The following KIF1B variants were observed in gnomAD, a reference collection of about 807,000 sequenced individuals.
KIF1B encodes kinesin family member 1B.
Under a neutral mutation model 241.9 loss-of-function variants are expected in KIF1B, and 76 were observed. The ratio of observed to expected loss-of-function variants is 0.31; its 90% CI spans 0.26 to 0.38. KIF1B has a LOEUF of 0.38. KIF1B is among the 10% of genes least tolerant of loss of function. The pLI is 1.00. For missense variants in KIF1B, 1,622 were observed against 2,271.4 expected, an observed-to-expected ratio of 0.71 and a Z score of 5.81; for synonymous variants, 750 against 796.7, an observed-to-expected ratio of 0.94 and a Z score of 0.99.
chr1:10,339,986 C>G, intron 32 of KIF1B, 127 bp downstream of exon 32: 1 of 816,190 alleles, frequency 1.2e-6, no homozygotes, highest in Non-Finnish European at 2.1e-6. Flanking sequence ...CAATAGAGGG[C>G]GTGGCTAGAG....
In KIF1B at chr1:10,336,734, T is replaced by A; in HGVS notation, c.3121T>A (p.Phe1041Ile). The A allele has an allele frequency of 6.2e-7, 1 of 1,611,458 alleles. No homozygotes were observed. The highest frequency in any genetic ancestry group is 2.2e-5 in the East Asian group (1 of 44,864). ...TAAAATATCTTTTGATAATGAATAC[T>A]TTAATCAGGTGAGAAACCGTCAGGA... ...TAKISFDNEY[F>I]NQSDFSSVAM... Residue 1041 changes from phenylalanine to isoleucine, a missense_variant, in exon 29 of 49, where the codon TTT becomes ATT. Phe to Ile is a conservative substitution (Grantham distance 21). Transcript: ENST00000676179.
intron 38 of KIF1B, among the ~76,000 whole-genome samples, chr1:10,353,399 C>T (rs1412725167): frequency 6.6e-6 from 1 of 152,210 alleles, no homozygotes; most frequent in Non-Finnish European, 1.5e-5. Flanking sequence ...CATAGCCATT[C>T]TGCTTTCCTT....
Position 10,378,164 on chromosome 1 carries a change from C to G in KIF1B, c.*1577C>G. On this transcript the variant is annotated 3_prime_UTR_variant, in exon 49 of 49. Coordinates refer to ENST00000676179, the MANE Select transcript of KIF1B (RefSeq NM_001365951.3). ...TTCTGGATCCCAGGATTAAAACTAA[C>G]CGTGACCACTACTCCAAACAAAACA... The G allele has an allele frequency of 1.7e-6, 1 of 603,768 alleles. No homozygotes were observed. Among genetic ancestry groups the G allele is most frequent in the Non-Finnish European group, 3.0e-6 (1 of 338,882 alleles). 37.4% of individuals were successfully genotyped at this position (603,768 alleles called of 1,614,324 possible).
Position 10,381,482 on chromosome 1 carries a change from C to A in KIF1B, c.*4895C>A, listed in dbSNP as rs1639020201. 1.5e-5 allele frequency: 3 copies of A among 205,872 alleles called. No individual in the cohort carries two copies. The highest frequency in any genetic ancestry group is 1.9e-4 in the South Asian group (1 of 5,288). 12.8% of individuals were successfully genotyped at this position (205,872 alleles called of 1,614,324 possible). A position where few individuals can be genotyped will look rare whatever the true frequency, so the allele number is the denominator to read the frequency against. On this transcript the variant is annotated 3_prime_UTR_variant, in exon 49 of 49. Coordinates refer to ENST00000676179, the MANE Select transcript of KIF1B (RefSeq NM_001365951.3). ...TCTTGTATTTGTACTAATTCTGATT[C>A]TTTTGCTGTATAGCCTTAGATGTGC...
intron 44 of KIF1B, among the ~76,000 whole-genome samples, chr1:10,369,211 A>T (rs998294213): frequency 1.3e-5 from 2 of 152,130 alleles, no homozygotes; most frequent in Non-Finnish European, 2.9e-5. Flanking sequence ...TTACTACCTG[A>T]TGCTTTTTAA....
At chr1:10,264,875 C>A (rs1438363883) in intron 5 of KIF1B, among the ~76,000 whole-genome samples, 2 of 152,190 alleles carry the variant, frequency 1.3e-5, no homozygotes, top group Non-Finnish European at 2.9e-5. Flanking sequence ...GTTGGCCAGG[C>A]TGGTCTCGAA....
intron 22 of KIF1B, chr1:10,305,907 C>T (rs558380061): frequency 1.9e-6 from 2 of 1,053,194 alleles, no homozygotes; most frequent in African/African-American, 1.7e-5. Flanking sequence ...TGCCTGACTT[C>T]ATGTTTTGGA....
At position 10,295,257 on chromosome 1, in the gene KIF1B, A is replaced by G. The variant is rs982279258; in HGVS notation, c.1670+92A>G. On this transcript the variant is annotated intron_variant, in intron 18 of 48. Coordinates refer to ENST00000676179, the MANE Select transcript of KIF1B (RefSeq NM_001365951.3). ...GGGAAGGGGTTGAAAAAATTAACGT[A>G]ATGATTTGCTGTATTTTTTGTCTGA... 4.7e-5 allele frequency: 39 copies of G among 821,636 alleles called. No individual in the cohort carries two copies. The African/African-American group carries it at 6.5e-4, about 14-fold the overall frequency. 50.9% of individuals were successfully genotyped at this position (821,636 alleles called of 1,614,324 possible).
intron 22 of KIF1B, chr1:10,305,290 G>GT (rs1650773637): frequency 2.9e-6 from 3 of 1,044,204 alleles, no homozygotes; most frequent in East Asian, 1.1e-4. Flanking sequence ...TCATATAATG[G>GT]TTTTTTCTTT....
At chr1:10,287,888 T>G (rs935815520) in intron 15 of KIF1B, among the ~76,000 whole-genome samples, 1 of 152,226 alleles carries the variant, frequency 6.6e-6, no homozygotes, top group Non-Finnish European at 1.5e-5. Flanking sequence ...TATGTCAGTT[T>G]GTATTCCATA....
chr1:10,223,551 T>TTG (rs1557646371), intron 1 of KIF1B, among the ~76,000 whole-genome samples: 1 of 149,008 alleles, frequency 6.7e-6, no homozygotes. Flanking sequence ...GTTTTGTTTT[T>TTG]TTTTTTTTTT....
rs532867663 is a variant in KIF1B at position 10,309,480 on chromosome 1, G to A, written c.2116-10563G>A. Among the ~76,000 whole-genome samples, 11 of 147,390 alleles carry A rather than the reference G, an allele frequency of 7.5e-5. 2 individuals carry two copies. Among genetic ancestry groups the A allele is most frequent in the African/African-American group, 2.7e-4 (10 of 36,916 alleles). ...AAGTTAAGTGTTGTCAACAACTGGG[G>A]TGTCATCTTGGGTGTGGATATTTTC... On this transcript the variant is annotated intron_variant, in intron 22 of 48. Transcript: ENST00000676179.
intron 2 of KIF1B, among the ~76,000 whole-genome samples, chr1:10,251,311 A>G (rs560204693): frequency 7.4e-5 from 11 of 149,208 alleles, no homozygotes; most frequent in Non-Finnish European, 1.5e-4. Context: ...AAGTTAACTC[A>G]TTGGTGTAGT....
chr1:10,274,415 T>G (rs1326102545), intron 10 of KIF1B, among the ~76,000 whole-genome samples: 3 of 152,204 alleles, frequency 2.0e-5, no homozygotes, highest in Non-Finnish European at 1.5e-5. Context: ...ATAAGAAGGA[T>G]CATGAAGAAA....
intron 16 of KIF1B, among the ~76,000 whole-genome samples, chr1:10,291,567 C>G (rs1284442075): frequency 6.6e-6 from 1 of 151,926 alleles, no homozygotes; most frequent in East Asian, 1.9e-4. Context: ...AACAAATTAG[C>G]CGGGCATGGT....
chr1:10,279,042 A>G (rs1221271929), intron 13 of KIF1B, 55 bp from the exon 14 acceptor site: 6 of 1,335,592 alleles, frequency 4.5e-6, no homozygotes, highest in Non-Finnish European at 6.3e-6. Flanking sequence ...TCTCTGTGTC[A>G]CTGCTGAACC....
intron 25 of KIF1B, 117 bp downstream of exon 25, chr1:10,324,179 T>C (rs1010089188): frequency 2.0e-6 from 2 of 1,022,338 alleles, no homozygotes; most frequent in Non-Finnish European, 3.1e-6. Context: ...TTCCCTGTAC[T>C]TTCTAAATGC....
At position 10,375,363 on chromosome 1, in the gene KIF1B, G is replaced by A. The variant is rs1306402753; in HGVS notation, c.5398G>A (p.Gly1800Ser). 1 of 1,611,850 alleles carries A rather than the reference G, an allele frequency of 6.2e-7. No individual in the cohort carries two copies. The stretch of plus-strand genomic sequence containing the variant: ...GTATGCCTTCAACCCACTTCTAGCT[G>A]GCACAATACGGTAAGAAGTTTTGTT... Reference protein sequence around the residue: ...WLYAFNPLLAGTIRSKLSRRC... With the variant: ...WLYAFNPLLASTIRSKLSRRC... Residue 1800 changes from glycine to serine, a missense_variant, in exon 48 of 49, where the codon GGC (glycine) becomes AGC (serine). Transcript: ENST00000676179.
Position 10,268,226 on chromosome 1 carries a change from A to G in KIF1B, c.683A>G (p.Lys228Arg), listed in dbSNP as rs2102206932. The stretch of plus-strand genomic sequence containing the variant: ...GTGTTTACGATTGTTTTCACCCAGA[A>G]GAAACACGATAATGAGACCAACCTT... ...HAVFTIVFTQ[K>R]KHDNETNLST... Residue 228 changes from lysine to arginine, a missense_variant, in exon 7 of 49, where the codon AAG becomes AGG. Transcript: ENST00000676179. 6.2e-7 allele frequency: 1 copy of G among 1,613,832 alleles called. No homozygotes were observed. The highest frequency in any genetic ancestry group is 8.5e-7 in the Non-Finnish European group (1 of 1,179,720).
Sources: gnomAD v4.1 joint callset for allele counts (sites outside exome capture counted in the v4.1 genomes callset) on GRCh38, gnomAD v4.1.1 for gene constraint, MANE v1.5 for transcripts, NCBI Gene and HGNC (gene_info 2026-07-23, HGNC 2026-07-21) for gene names.